The following COG5 variants were observed in gnomAD, a reference collection of about 807,000 sequenced individuals.
COG5 encodes the protein conserved oligomeric Golgi complex subunit 5.
In COG5, 86 loss-of-function variants were observed where a neutral mutation model predicts 110.4. That is an observed-to-expected ratio of 0.78 (90% CI 0.65 to 0.93). The LOEUF (loss-of-function observed/expected upper bound fraction) is 0.93. Ranked by LOEUF, COG5 falls within the 40% of genes least tolerant of loss-of-function variation. COG5 has a pLI of 0.00. For missense variants in COG5, 1,077 were observed against 987.0 expected (o/e 1.09, Z -1.22); for synonymous variants, 360 against 334.6 (o/e 1.08, Z -0.83).
chr7:107,435,560 C>T (rs1222043533), intron 6 of COG5, among the ~76,000 whole-genome samples: 1 of 151,586 alleles, frequency 6.6e-6, no homozygotes, highest in Non-Finnish European at 1.5e-5. Flanking sequence ...GGCTGAGGCA[C>T]GAGAATTGCT....
intron 13 of COG5, among the ~76,000 whole-genome samples, chr7:107,281,848 T>C (rs1158788930): frequency 6.6e-6 from 1 of 152,164 alleles, no homozygotes. Flanking sequence ...CTGTAGAAAT[T>C]ATGCCAATTC....
intron 18 of COG5, among the ~76,000 whole-genome samples, chr7:107,235,790 G>T (rs566017278): frequency 1.7e-4 from 26 of 152,264 alleles, no homozygotes; most frequent in African/African-American, 6.0e-4. Flanking sequence ...CATGTTTGGG[G>T]TTTTTCTTCA....
At chr7:107,496,704 T>C (rs914761099) in intron 6 of COG5, among the ~76,000 whole-genome samples, 18 of 145,628 alleles carry the variant, frequency 1.2e-4, no homozygotes, top group Non-Finnish European at 3.0e-5. Context: ...CAATATAATA[T>C]ACCACATTAA....
At chr7:107,424,275 A>G (rs989037024) in intron 6 of COG5, among the ~76,000 whole-genome samples, 12 of 152,072 alleles carry the variant, frequency 7.9e-5, no homozygotes, top group African/African-American at 2.9e-4. Flanking sequence ...TCTGTCTCCA[A>G]ATAAAAAATA....
chr7:107,329,720 C>A (rs1049396884), intron 10 of COG5, among the ~76,000 whole-genome samples: 3 of 151,842 alleles, frequency 2.0e-5, no homozygotes, highest in Admixed American at 6.6e-5. Flanking sequence ...CGAGACCCCC[C>A]CCGTTTCTAC....
At chr7:107,444,819 C>T (rs1005463392) in intron 6 of COG5, among the ~76,000 whole-genome samples, 1 of 152,092 alleles carries the variant, frequency 6.6e-6, no homozygotes, top group African/African-American at 2.4e-5. Flanking sequence ...TTTAAAAAAG[C>T]ATCAGTCTTA....
At chr7:107,436,305 C>G (rs1335132637) in intron 6 of COG5, among the ~76,000 whole-genome samples, 1 of 152,170 alleles carries the variant, frequency 6.6e-6, no homozygotes, top group African/African-American at 2.4e-5. Flanking sequence ...TGCTATACAA[C>G]ATAGATGAAA....
At chr7:107,461,549 A>G (rs138290439) in intron 6 of COG5, among the ~76,000 whole-genome samples, 265 of 152,308 alleles carry the variant, frequency 1.7e-3, no homozygotes, top group African/African-American at 6.1e-3. Context: ...ATTTCTACTC[A>G]ATATTACTTG....
rs117798567 is a variant in COG5, at chr7:107,326,877, C to T, written c.1027-2356G>A. ...AAGCTAGAGGCCTCAGACTTCCTGACTTCAAGACATATTACAGAGCCAGGT... is the reference window on the plus strand; with the variant it reads ...AAGCTAGAGGCCTCAGACTTCCTGATTTCAAGACATATTACAGAGCCAGGT... On this transcript the variant is annotated intron_variant, in intron 10 of 21. Transcript: ENST00000297135. 7.3e-3 allele frequency among the ~76,000 whole-genome samples: 1,114 copies of T among 152,254 alleles called. 1 individual carries two copies. The highest frequency in any genetic ancestry group is 0.011 in the Non-Finnish European group (761 of 67,994).
intron 3 of COG5, among the ~76,000 whole-genome samples, chr7:107,553,918 C>T (rs1346119650): frequency 6.6e-6 from 1 of 152,136 alleles, no homozygotes; most frequent in Non-Finnish European, 1.5e-5. Flanking sequence ...TTCATTTAAT[C>T]CTCAGAACAA....
In COG5 at chr7:107,521,089, G is replaced by A. The variant is rs193040510; in HGVS notation, c.538+6148C>T. Among the ~76,000 whole-genome samples, 230 of 152,182 alleles carry A rather than the reference G, an allele frequency of 1.5e-3. 1 individual carries two copies. Among genetic ancestry groups the A allele is most frequent in the Non-Finnish European group, 8.8e-4 (60 of 67,966 alleles). On this transcript the variant is annotated intron_variant, in intron 6 of 21. Coordinates refer to ENST00000297135, the MANE Select transcript of COG5 (RefSeq NM_006348.5). Reference sequence around the variant, plus strand: ...ATGGTGCTGGGAAAACTGGCTAGCCGTATGCAGAAAACTGAAACTGCACTC... The same window carrying A: ...ATGGTGCTGGGAAAACTGGCTAGCCATATGCAGAAAACTGAAACTGCACTC...
chr7:107,295,964 G>T (rs925642699), intron 12 of COG5, among the ~76,000 whole-genome samples: 11 of 151,710 alleles, frequency 7.3e-5, no homozygotes, highest in Non-Finnish European at 1.2e-4. Context: ...ATAATTTTTT[G>T]TTTTTTTCAG....
chr7:107,305,224 A>G (rs549552923), intron 11 of COG5, among the ~76,000 whole-genome samples: 6 of 152,222 alleles, frequency 3.9e-5, no homozygotes, highest in Non-Finnish European at 8.8e-5. Flanking sequence ...GCTGCTGGTC[A>G]TATTTTAAGA....
At chr7:107,316,898 A>G (rs1235849412) in intron 11 of COG5, among the ~76,000 whole-genome samples, 1 of 151,996 alleles carries the variant, frequency 6.6e-6, no homozygotes, top group African/African-American at 2.4e-5. Flanking sequence ...AAATAAACGT[A>G]CACACACACT....
intron 10 of COG5, among the ~76,000 whole-genome samples, chr7:107,350,237 T>C (rs1452111681): frequency 1.3e-5 from 2 of 152,188 alleles, no homozygotes; most frequent in Non-Finnish European, 2.9e-5. Flanking sequence ...TCTTTCATAT[T>C]CTTCATAACC....
At chr7:107,529,622 A>G (rs1801031932) in intron 5 of COG5, among the ~76,000 whole-genome samples, 1 of 152,188 alleles carries the variant, frequency 6.6e-6, no homozygotes, top group Non-Finnish European at 1.5e-5. Flanking sequence ...ACCCTAAGGG[A>G]AGAATCTTGG....
chr7:107,421,353 G>A (rs1393385313), intron 6 of COG5, among the ~76,000 whole-genome samples: 1 of 152,062 alleles, frequency 6.6e-6, no homozygotes, highest in African/African-American at 2.4e-5. Flanking sequence ...ATAAACTAAG[G>A]ATCTAATTGA....
At chr7:107,431,028 A>T (rs1001332641) in intron 6 of COG5, among the ~76,000 whole-genome samples, 2 of 152,162 alleles carry the variant, frequency 1.3e-5, no homozygotes, top group African/African-American at 4.8e-5. Context: ...AAACAAAACC[A>T]AAAACAAACA....
At position 107,546,435 on chromosome 7, in the gene COG5, G is replaced by GTTTTTTTTTTT. The variant is rs754919944; in HGVS notation, c.417+1665_417+1675dup. 3.5e-3 allele frequency among the ~76,000 whole-genome samples: 418 copies of GTTTTTTTTTTT among 119,468 alleles called. 6 individuals carry two copies. Among genetic ancestry groups the GTTTTTTTTTTT allele is most frequent in the Non-Finnish European group, 5.2e-3 (302 of 58,232 alleles). The allele number at this position is 119,468 out of a possible 152,430, so 78.4% of individuals were successfully genotyped here. On this transcript the variant is annotated intron_variant, in intron 5 of 21. Transcript: ENST00000297135. ...ACCAAGAGTTGTGTTTTGGTTTTTTGTTTTTTTTTTTTTTTTTTGAGACAA... is the reference window on the plus strand; with the variant it reads ...ACCAAGAGTTGTGTTTTGGTTTTTTGTTTTTTTTTTTTTTTTTTTTTTTTTTTTTGAGACAA...
Sources: allele counts gnomAD v4.1 joint callset (sites outside exome capture counted in the v4.1 genomes callset), GRCh38; gene constraint gnomAD v4.1.1; transcripts MANE v1.5; gene names NCBI Gene and HGNC (gene_info 2026-07-23, HGNC 2026-07-21).